Variants in GLT8D2 observed in about 807,000 individuals in gnomAD.
The protein encoded by GLT8D2 is glycosyltransferase 8 domain-containing protein 2.
GLT8D2 carries 45 observed loss-of-function variants against 44.5 expected under a neutral mutation model. The ratio of observed to expected loss-of-function variants is 1.01; its 90% CI spans 0.80 to 1.30. GLT8D2 has a LOEUF of 1.30. Ranked by LOEUF, GLT8D2 falls within the 50% of genes most tolerant of loss-of-function variation. The probability of loss-of-function intolerance (pLI) is 0.00; values close to 1 mark genes in which losing one functional copy is unlikely to be tolerated. For synonymous variants in GLT8D2, 156 were observed against 157.2 expected (o/e 0.99, Z 0.06); for missense variants, 400 against 430.4 (o/e 0.93, Z 0.62).
At chr12:103,998,976 A>G (rs2136286488) in intron 6 of GLT8D2, among the ~76,000 whole-genome samples, 1 of 152,332 alleles carries the variant, frequency 6.6e-6, no homozygotes, top group South Asian at 2.1e-4. Flanking sequence ...AATACTATGA[A>G]GTATATAATC....
At chr12:104,059,689 T>C (rs1882464754) in intron 1 of GLT8D2, among the ~76,000 whole-genome samples, 1 of 149,774 alleles carries the variant, frequency 6.7e-6, no homozygotes, top group Non-Finnish European at 1.5e-5. Flanking sequence ...GTGGGTACAG[T>C]AGTCTGGGAA....
chr12:104,003,166 C>G lies in GLT8D2; in HGVS notation c.253G>C (p.Val85Leu). ...NTDANILFYV[V>L]GLRNTLTRIR... ...CGAGTCAGAGTATTCCGGAGTCCCA[C>G]TACATAGAACAAGATGTTGGCGTCA... Residue 85 changes from valine (V) to leucine (L), a missense_variant, in exon 5 of 11, where the codon GTG becomes CTG. Physicochemically the swap from Val to Leu is conservative, Grantham distance 32. Transcript: ENST00000360814. 1 of 1,614,128 alleles carries G rather than the reference C, an allele frequency of 6.2e-7. No individual in the cohort carries two copies. The highest frequency in any genetic ancestry group is 8.5e-7 in the Non-Finnish European group (1 of 1,180,000).
At chr12:104,033,432 T>C (rs1879555888) in intron 1 of GLT8D2, among the ~76,000 whole-genome samples, 1 of 152,104 alleles carries the variant, frequency 6.6e-6, no homozygotes, top group South Asian at 2.1e-4. Flanking sequence ...TGTTCACTTA[T>C]ATGAGAAATC....
chr12:104,010,878 TA>T (rs961572693), intron 4 of GLT8D2, among the ~76,000 whole-genome samples: 1 of 151,796 alleles, frequency 6.6e-6, no homozygotes, highest in African/African-American at 2.4e-5. Context: ...GAGGGAAGGG[TA>T]AAAAAGCTGG....
chr12:104,039,434 T>C (rs1392015622), intron 1 of GLT8D2, among the ~76,000 whole-genome samples: 1 of 151,382 alleles, frequency 6.6e-6, no homozygotes, highest in Non-Finnish European at 1.5e-5. Context: ...ACAAAGAACT[T>C]AAACAAATTT....
rs142096211 is a variant in GLT8D2, at chr12:103,997,491, G to A, written c.447C>T (p.His149=). 831 of 1,613,654 alleles carry A rather than the reference G, an allele frequency of 5.1e-4. 2 individuals are homozygous for A. Among genetic ancestry groups the A allele is most frequent in the African/African-American group, 1.1e-3 (79 of 74,894 alleles). Residue 149 remains histidine, a synonymous_variant, in exon 7 of 11, where the codon CAC becomes CAT. Coordinates refer to ENST00000360814, the MANE Select transcript of GLT8D2 (RefSeq NM_001384711.1). ...RFYLPLLIHQ[H]EKVIYLDDDV... ...CATCGTCCAAATAGATGACTTTCTC[G>A]TGTTGGTGGATAAGTAGAGGGAGAT...
intron 4 of GLT8D2, among the ~76,000 whole-genome samples, chr12:104,014,692 A>T (rs1268954488): frequency 6.6e-6 from 1 of 152,232 alleles, no homozygotes; most frequent in Non-Finnish European, 1.5e-5. Context: ...CTACAGCATC[A>T]GCCTCAACCA....
chr12:104,012,967 C>T, intron 4 of GLT8D2: 1 of 557,404 alleles, frequency 1.8e-6, no homozygotes, highest in Non-Finnish European at 3.1e-6. Flanking sequence ...ACAAAACCTG[C>T]TCACACCTTG....
At chr12:103,990,127 A>ATC (rs1442620965) in intron 10 of GLT8D2, among the ~76,000 whole-genome samples, 32 of 67,780 alleles carry the variant, frequency 4.7e-4, no homozygotes, top group Non-Finnish European at 2.8e-4. Flanking sequence ...ATATATATAT[A>ATC]TATATATGTA....
At chr12:104,007,265 TCCCCCCGCTCTCTCCACCTG>T (rs1875183128) in intron 4 of GLT8D2, among the ~76,000 whole-genome samples, 1 of 136,284 alleles carries the variant, frequency 7.3e-6, no homozygotes, top group Non-Finnish European at 1.6e-5. Flanking sequence ...TCTCTCTCTC[TCCCCCCGCTCTCTCCACCTG>T]CTCTCTCCCC....
At chr12:104,041,065 G>C (rs1009416556) in intron 1 of GLT8D2, among the ~76,000 whole-genome samples, 3 of 151,982 alleles carry the variant, frequency 2.0e-5, no homozygotes, top group African/African-American at 2.4e-5. Flanking sequence ...TCAGGAGTTC[G>C]AGACCAGCCT....
chr12:104,063,021 G>A lies in GLT8D2; in HGVS notation c.-423+928C>T, dbSNP rs1359171932. Among the ~76,000 whole-genome samples the A allele has an allele frequency of 2.0e-5, 3 of 152,096 alleles. No individual in the cohort carries two copies. In the East Asian group the frequency reaches 5.8e-4, roughly 29 times the overall value. On this transcript the variant is annotated intron_variant, in intron 1 of 10. Coordinates refer to the GLT8D2 transcript ENST00000548660. ...GATCTAAATTGTGTACTCCCTATGA[G>A]AATCTTATGCCTGATGATCTGAGGT...
intron 1 of GLT8D2, among the ~76,000 whole-genome samples, chr12:104,056,844 G>C (rs1882219681): frequency 6.6e-6 from 1 of 152,216 alleles, no homozygotes; most frequent in South Asian, 2.1e-4. Flanking sequence ...ACTGGTCACT[G>C]GACATCTGTT....
intron 5 of GLT8D2, among the ~76,000 whole-genome samples, chr12:104,002,404 C>T (rs887925853): frequency 5.3e-5 from 8 of 152,236 alleles, no homozygotes; most frequent in African/African-American, 9.6e-5. Flanking sequence ...GTCTATAATA[C>T]ATGTTAAAAA....
In GLT8D2 at chr12:103,996,754, T is replaced by C; in HGVS notation, c.581A>G (p.Asn194Ser). 1 of 1,613,730 alleles carries C rather than the reference T, an allele frequency of 6.2e-7. No homozygotes were observed. Among genetic ancestry groups the C allele is most frequent in the Non-Finnish European group, 8.5e-7 (1 of 1,179,712 alleles). ...GCCCACCTGAAGTCCCACGAGTCTG[T>C]TTATGTCCTGAGCAGAGGGCAAATC... ...DCDLPSAQDI[N>S]RLVGLQNTYM... Residue 194 changes from asparagine (N) to serine (S), a missense_variant, in exon 8 of 11, where the codon AAC becomes AGC. Transcript: ENST00000360814.
upstream of GLT8D2, among the ~76,000 whole-genome samples, chr12:104,050,852 T>C (rs1051477101): frequency 1.3e-5 from 2 of 151,152 alleles, no homozygotes; most frequent in East Asian, 3.9e-4. Context: ...TCTCCCTCTG[T>C]CTCCCAGGCT....
chr12:104,015,036 C>T lies in GLT8D2; in HGVS notation c.89G>A (p.Gly30Glu), dbSNP rs1193326140. The change falls in exon 4 of 11, where the codon GGG (glycine) becomes GAG (glutamate). Residue 30 changes from glycine (G) to glutamate (E), a missense_variant. Coordinates refer to ENST00000360814, the MANE Select transcript of GLT8D2 (RefSeq NM_001384711.1). Reference sequence around the variant, plus strand: ...ACCTGCGTCATTCTTGGGCACAGTCCCCTTATGAACTTTCTTATACAGAAT... The same window carrying T: ...ACCTGCGTCATTCTTGGGCACAGTCTCCTTATGAACTTTCTTATACAGAAT... ...CVILYKKVHK[G>E]TVPKNDADDE... 1 of 1,613,204 alleles carries T rather than the reference C, an allele frequency of 6.2e-7. No individual in the cohort carries two copies. Among genetic ancestry groups the T allele is most frequent in the Non-Finnish European group, 8.5e-7 (1 of 1,179,310 alleles).
At chr12:103,996,599 G>A (rs1873452141) in intron 8 of GLT8D2, 136 bp downstream of exon 8, 2 of 639,760 alleles carry the variant, frequency 3.1e-6, no homozygotes. Flanking sequence ...CCCCTGTACT[G>A]TTCCACCTCC....
At chr12:103,992,491 CTT>C (rs1232659471) in intron 10 of GLT8D2, among the ~76,000 whole-genome samples, 34 of 129,940 alleles carry the variant, frequency 2.6e-4, no homozygotes, top group Admixed American at 2.3e-4. Context: ...CTCTCTCTCT[CTT>C]TTTTTTTTTT....
Sources: allele counts gnomAD v4.1 joint callset (sites outside exome capture counted in the v4.1 genomes callset), GRCh38; gene constraint gnomAD v4.1.1; transcripts MANE v1.5; gene names NCBI Gene and HGNC (gene_info 2026-07-23, HGNC 2026-07-21).